The following PTPRD variants were observed in gnomAD, a reference collection of about 807,000 sequenced individuals.
PTPRD encodes receptor-type tyrosine-protein phosphatase delta.
A neutral mutation model predicts 214.5 loss-of-function variants in PTPRD; 34 were observed. The ratio of observed to expected loss-of-function variants is 0.16; its 90% CI spans 0.12 to 0.21. The LOEUF is 0.21. Among genes scored for constraint, PTPRD ranks in the 10% least tolerant of loss-of-function variants. The pLI is 1.00. For missense variants in PTPRD, 2,545 were observed against 2,398.7 expected (o/e 1.06, Z -1.27); for synonymous variants, 1,128 against 845.7 (o/e 1.33, Z -5.79).
chr9:8,354,565 G>A (rs776125582), intron 39 of PTPRD, among the ~76,000 whole-genome samples: 2 of 152,004 alleles, frequency 1.3e-5, no homozygotes, highest in Non-Finnish European at 2.9e-5. Context: ...ATAAATTTTG[G>A]AGCATCTGGG....
intron 2 of PTPRD, among the ~76,000 whole-genome samples, chr9:10,410,658 C>G (rs1021736315): frequency 3.3e-5 from 5 of 151,606 alleles, no homozygotes; most frequent in African/African-American, 1.2e-4. Flanking sequence ...TAAAAAGGAA[C>G]AGTCATTGTT....
chr9:9,788,829 A>G (rs1282384000), intron 5 of PTPRD, among the ~76,000 whole-genome samples: 3 of 152,078 alleles, frequency 2.0e-5, no homozygotes, highest in South Asian at 4.2e-4. Context: ...ATAATCAGTG[A>G]AGTGTTTAAA....
chr9:9,882,155 T>A (rs1321631665), intron 5 of PTPRD, among the ~76,000 whole-genome samples: 2 of 152,130 alleles, frequency 1.3e-5, no homozygotes, highest in Non-Finnish European at 2.9e-5. Context: ...AACACATATA[T>A]CAAATACATA....
At chr9:10,451,889 G>C (rs1035790780) in intron 2 of PTPRD, among the ~76,000 whole-genome samples, 5 of 151,798 alleles carry the variant, frequency 3.3e-5, no homozygotes, top group African/African-American at 4.8e-5. Context: ...TAACTTCATA[G>C]CGTCAGTTAA....
At chr9:9,347,937 T>C (rs1178573532) in intron 9 of PTPRD, among the ~76,000 whole-genome samples, 1 of 152,170 alleles carries the variant, frequency 6.6e-6, no homozygotes, top group Non-Finnish European at 1.5e-5. Context: ...AGACACATCA[T>C]AGTGACATCA....
At chr9:8,750,132 A>C (rs2093365202) in intron 11 of PTPRD, among the ~76,000 whole-genome samples, 1 of 151,908 alleles carries the variant, frequency 6.6e-6, no homozygotes, top group Non-Finnish European at 1.5e-5. Flanking sequence ...CCTGATACTG[A>C]TACATTCTGG....
At chr9:9,842,847 A>C (rs1191981038) in intron 5 of PTPRD, among the ~76,000 whole-genome samples, 1 of 151,758 alleles carries the variant, frequency 6.6e-6, no homozygotes, top group Non-Finnish European at 1.5e-5. Context: ...TTTTTTTTGC[A>C]TGTTTCATAC....
At chr9:10,138,152 AAAGAG>A (rs2098955893) in intron 3 of PTPRD, among the ~76,000 whole-genome samples, 1 of 152,112 alleles carries the variant, frequency 6.6e-6, no homozygotes, top group South Asian at 2.1e-4. Flanking sequence ...CTAGATAAAC[AAAGAG>A]AAAAGAGATA....
intron 9 of PTPRD, among the ~76,000 whole-genome samples, chr9:9,269,600 G>C (rs1185476164): frequency 6.6e-6 from 1 of 151,370 alleles, no homozygotes; most frequent in African/African-American, 2.4e-5. Context: ...TAAAATATAA[G>C]TGTTCATTTA....
chr9:9,585,699 G>C (rs2091818410), intron 7 of PTPRD, among the ~76,000 whole-genome samples: 1 of 151,852 alleles, frequency 6.6e-6, no homozygotes, highest in Non-Finnish European at 1.5e-5. Context: ...TTCTACCTCT[G>C]TTGTCTTCAT....
intron 14 of PTPRD, among the ~76,000 whole-genome samples, chr9:8,584,029 T>C (rs1337190324): frequency 6.6e-6 from 1 of 152,072 alleles, no homozygotes; most frequent in Non-Finnish European, 1.5e-5. Flanking sequence ...TGGTGTGTAC[T>C]TGTAGTCTCT....
At chr9:10,058,280 A>G (rs1421895924) in intron 3 of PTPRD, among the ~76,000 whole-genome samples, 1 of 152,096 alleles carries the variant, frequency 6.6e-6, no homozygotes, top group Non-Finnish European at 1.5e-5. Flanking sequence ...AAGTTAACCT[A>G]GTAATGCCAC....
intron 9 of PTPRD, among the ~76,000 whole-genome samples, chr9:9,299,020 AT>A (rs1010041590): frequency 5.3e-5 from 8 of 151,744 alleles, no homozygotes; most frequent in Non-Finnish European, 1.5e-5. Context: ...CAACTTCATT[AT>A]TATCCTAATC....
intron 14 of PTPRD, among the ~76,000 whole-genome samples, chr9:8,623,327 C>G (rs2095879967): frequency 6.6e-6 from 1 of 151,854 alleles, no homozygotes; most frequent in African/African-American, 2.4e-5. Flanking sequence ...CTTAAGTATA[C>G]TCCCCTATCA....
At chr9:9,158,929 C>T (rs537320764) in intron 10 of PTPRD, among the ~76,000 whole-genome samples, 3 of 152,180 alleles carry the variant, frequency 2.0e-5, no homozygotes, top group Non-Finnish European at 4.4e-5. Flanking sequence ...AAATCTGATA[C>T]ACCACAGTAA....
chr9:8,509,364 G>A (rs1376240018), intron 21 of PTPRD, among the ~76,000 whole-genome samples: 1 of 152,044 alleles, frequency 6.6e-6, no homozygotes, highest in Non-Finnish European at 1.5e-5. Flanking sequence ...ATGATAAAAG[G>A]GTTTCTCAGG....
At chr9:8,934,934 G>T (rs76730481) in intron 11 of PTPRD, among the ~76,000 whole-genome samples, 6,401 of 152,000 alleles carry the variant, frequency 0.042, 471 homozygotes, top group African/African-American at 0.15. Flanking sequence ...AGTCACACAT[G>T]ACAGGATTTT....
chr9:9,324,434 T>C (rs1238868186), intron 9 of PTPRD, among the ~76,000 whole-genome samples: 3 of 152,234 alleles, frequency 2.0e-5, no homozygotes, highest in Admixed American at 6.5e-5. Context: ...ATTTCTCTGA[T>C]GACCAGTGAT....
At chr9:10,067,998 C>T (rs1590193029) in intron 3 of PTPRD, among the ~76,000 whole-genome samples, 1 of 151,924 alleles carries the variant, frequency 6.6e-6, no homozygotes, top group Non-Finnish European at 1.5e-5. Flanking sequence ...CACACTGAAT[C>T]ACAATTTAAA....
Sources: allele counts gnomAD v4.1 joint callset (sites outside exome capture counted in the v4.1 genomes callset), GRCh38; gene constraint gnomAD v4.1.1; transcripts MANE v1.5; gene names NCBI Gene and HGNC (gene_info 2026-07-23, HGNC 2026-07-21).